RAPGEF6: variants seen among roughly 807,000 people sequenced by gnomAD.
The protein encoded by RAPGEF6 is PDZ domain containing guanine nucleotide exchange factor (GEF) 2.
RAPGEF6 carries 56 observed loss-of-function variants against 171.4 expected under a neutral mutation model. The ratio of observed to expected loss-of-function variants is 0.33; its 90% confidence interval spans 0.26 to 0.41. RAPGEF6 has a LOEUF of 0.41. Ranked by LOEUF, RAPGEF6 falls within the 10% of genes least tolerant of loss-of-function variation. RAPGEF6 has a pLI of 1.00. For synonymous variants in RAPGEF6, 692 were observed against 650.1 expected (o/e 1.06, Z -0.98); for missense variants, 1,674 against 1,921.4 (o/e 0.87, Z 2.41).
chr5:131,492,116 A>G (rs1009269460), intron 14 of RAPGEF6, among the ~76,000 whole-genome samples: 1 of 152,184 alleles, frequency 6.6e-6, no homozygotes, highest in Non-Finnish European at 1.5e-5. Flanking sequence ...CACTTTGCTT[A>G]TGGATATAGT....
intron 6 of RAPGEF6, among the ~76,000 whole-genome samples, chr5:131,527,557 C>T (rs1403550233): frequency 1.3e-5 from 2 of 151,992 alleles, no homozygotes; most frequent in African/African-American, 4.8e-5. Flanking sequence ...AATGTATATA[C>T]CTTATGACTC....
At chr5:131,431,948 A>G (rs1158396165) in intron 25 of RAPGEF6, among the ~76,000 whole-genome samples, 3 of 152,242 alleles carry the variant, frequency 2.0e-5, no homozygotes, top group African/African-American at 7.2e-5. Context: ...TTATTTTTCA[A>G]CGTACCTCTG....
intron 20 of RAPGEF6, 145 bp from the exon 21 acceptor site, chr5:131,453,322 T>A: frequency 7.4e-7 from 1 of 1,357,480 alleles, no homozygotes; most frequent in Non-Finnish European, 9.7e-7. Context: ...GGTATACCCA[T>A]ACATGGTTCA....
At chr5:131,467,026 A>C (rs1300541966) in intron 17 of RAPGEF6, among the ~76,000 whole-genome samples, 1 of 152,168 alleles carries the variant, frequency 6.6e-6, no homozygotes, top group Non-Finnish European at 1.5e-5. Flanking sequence ...TTGGGGGCTG[A>C]GCCTTAGCCA....
intron 6 of RAPGEF6, among the ~76,000 whole-genome samples, chr5:131,529,454 C>T (rs936055278): frequency 1.8e-4 from 26 of 143,102 alleles, no homozygotes; most frequent in African/African-American, 5.3e-4. Context: ...CCAGCCTGGG[C>T]GACAGAGCGA....
intron 6 of RAPGEF6, among the ~76,000 whole-genome samples, chr5:131,529,535 A>T (rs1759223378): frequency 6.6e-6 from 1 of 152,078 alleles, no homozygotes; most frequent in African/African-American, 2.4e-5. Flanking sequence ...TTGCGAGAGT[A>T]CTACTCCAAA....
chr5:131,533,201 C>T (rs898942543), intron 6 of RAPGEF6, among the ~76,000 whole-genome samples: 2 of 146,660 alleles, frequency 1.4e-5, no homozygotes, highest in Non-Finnish European at 3.1e-5. Context: ...CACACACACA[C>T]ACACACACAC....
intron 6 of RAPGEF6, among the ~76,000 whole-genome samples, chr5:131,541,833 T>C (rs1056383826): frequency 6.6e-6 from 1 of 152,246 alleles, no homozygotes; most frequent in Non-Finnish European, 1.5e-5. Flanking sequence ...TTTCTTCCCA[T>C]GTCCTGGAGA....
chr5:131,538,468 G>A (rs891261328), intron 6 of RAPGEF6, among the ~76,000 whole-genome samples: 9 of 152,102 alleles, frequency 5.9e-5, no homozygotes, highest in African/African-American at 9.7e-5. Context: ...CACAGAAAAC[G>A]TACAGTAAAA....
intron 16 of RAPGEF6, among the ~76,000 whole-genome samples, chr5:131,476,310 G>C (rs1446870992): frequency 6.6e-6 from 1 of 152,168 alleles, no homozygotes. Flanking sequence ...TTATTGGCTA[G>C]TGCGGTAGCT....
intron 4 of RAPGEF6, among the ~76,000 whole-genome samples, chr5:131,574,730 C>A (rs1328410082): frequency 1.3e-5 from 2 of 152,052 alleles, no homozygotes; most frequent in South Asian, 2.1e-4. Context: ...TTTGAATCCT[C>A]CTCTCGTGTC....
rs1429449591 is a variant in RAPGEF6 at position 131,433,517 on chromosome 5, T to C, written c.3887A>G (p.Gln1296Arg). The change falls in exon 25 of 28, where the codon CAG becomes CGG. Residue 1296 changes from glutamine to arginine, a missense_variant. By Grantham distance (43) the Gln-to-Arg change is conservative (BLOSUM62 1). Coordinates refer to ENST00000509018, the MANE Select transcript of RAPGEF6 (RefSeq NM_016340.6). ...AALQDERCSS[Q>R]ALAVPESTGA... ...AGTGGATTCAGGGACTGCCAGGGCC[T>C]GAGAGGAACACCGTTCATCCTGTAG... is the stretch of plus-strand genomic sequence containing the variant. 1 of 1,613,864 alleles carries C rather than the reference T, an allele frequency of 6.2e-7. No individual in the cohort carries two copies. The highest frequency in any genetic ancestry group is 1.3e-5 in the African/African-American group (1 of 74,908).
chr5:131,534,050 T>C (rs1172951548), intron 6 of RAPGEF6, among the ~76,000 whole-genome samples: 5 of 151,988 alleles, frequency 3.3e-5, no homozygotes, highest in Non-Finnish European at 2.9e-5. Context: ...AATAGTAAAA[T>C]ATAGTTAGTT....
At chr5:131,469,877 G>A in intron 17 of RAPGEF6, 11 of 1,341,248 alleles carry the variant, frequency 8.2e-6, no homozygotes, top group Non-Finnish European at 1.0e-5. Flanking sequence ...TTACAGTTCT[G>A]TAGCTTTGCC....
chr5:131,581,072 A>G (rs939852586), intron 4 of RAPGEF6, among the ~76,000 whole-genome samples: 1 of 152,098 alleles, frequency 6.6e-6, no homozygotes, highest in African/African-American at 2.4e-5. Flanking sequence ...AGCCTCTCCA[A>G]TGACTTCTCT....
At chr5:131,574,507 G>A (rs1037034469) in intron 4 of RAPGEF6, among the ~76,000 whole-genome samples, 1 of 151,966 alleles carries the variant, frequency 6.6e-6, no homozygotes, top group Admixed American at 6.5e-5. Context: ...TAACTGTTGT[G>A]GGTATTGACA....
At chr5:131,634,885 T>C in intron 1 of RAPGEF6, 77 bp downstream of exon 1, 1 of 1,538,064 alleles carries the variant, frequency 6.5e-7, no homozygotes, top group South Asian at 1.1e-5. Context: ...AAGAGGGCAG[T>C]CGCCGCGGAT....
chr5:131,538,551 G>A (rs1759926052), intron 6 of RAPGEF6, among the ~76,000 whole-genome samples: 1 of 152,120 alleles, frequency 6.6e-6, no homozygotes, highest in Admixed American at 6.5e-5. Flanking sequence ...GGAAGGATGT[G>A]CATAGATTAC....
At chr5:131,474,515 G>A (rs1754968453) in intron 16 of RAPGEF6, among the ~76,000 whole-genome samples, 1 of 152,090 alleles carries the variant, frequency 6.6e-6, no homozygotes, top group African/African-American at 2.4e-5. Context: ...ATTTTACTCA[G>A]TTTATATTAA....
Sources: gnomAD v4.1 joint callset for allele counts (sites outside exome capture counted in the v4.1 genomes callset) on GRCh38, gnomAD v4.1.1 for gene constraint, MANE v1.5 for transcripts, NCBI Gene and HGNC (gene_info 2026-07-23, HGNC 2026-07-21) for gene names.